Variants in FBXL7 observed in about 807,000 individuals in gnomAD.
FBXL7 encodes F-box and leucine rich repeat protein 7.
FBXL7 carries 12 observed loss-of-function variants against 38.3 expected under a neutral mutation model. The ratio of observed to expected loss-of-function variants is 0.31; its 90% confidence interval spans 0.20 to 0.51. The LOEUF is 0.51. Among genes scored for constraint, FBXL7 ranks in the 20% least tolerant of loss-of-function variants. FBXL7 has a pLI of 0.98. For synonymous variants in FBXL7, 297 were observed against 300.9 expected, an observed-to-expected ratio of 0.99 and a Z score of 0.13; for missense variants, 567 against 676.4, an observed-to-expected ratio of 0.84 and a Z score of 1.79.
Position 15,526,335 on chromosome 5 carries a change from G to A in FBXL7, c.37+25622G>A, listed in dbSNP as rs550402899. 1.9e-4 allele frequency among the ~76,000 whole-genome samples: 29 copies of A among 152,248 alleles called. 1 individual carries two copies. In the South Asian group the frequency reaches 6.0e-3, roughly 32 times the overall value. ...AGAGTCCACACAGATTACCTCACTCGCTTCTCAACAGAAACCCTCCTGAGG... is the reference window on the plus strand; with the variant it reads ...AGAGTCCACACAGATTACCTCACTCACTTCTCAACAGAAACCCTCCTGAGG... On this transcript the variant is annotated intron_variant, in intron 1 of 3. Transcript: ENST00000504595.
At chr5:15,531,045 A>G (rs1281733660) in intron 1 of FBXL7, among the ~76,000 whole-genome samples, 1 of 152,216 alleles carries the variant, frequency 6.6e-6, no homozygotes, top group African/African-American at 2.4e-5. Flanking sequence ...TAGAACATAC[A>G]CATTGGAAAA....
intron 2 of FBXL7, among the ~76,000 whole-genome samples, chr5:15,835,563 A>G (rs1047073091): frequency 2.0e-5 from 3 of 152,188 alleles, no homozygotes; most frequent in Non-Finnish European, 4.4e-5. Flanking sequence ...TCAGCTTCAC[A>G]GTATCCTGGA....
At chr5:15,725,585 C>T (rs1009102842) in intron 2 of FBXL7, among the ~76,000 whole-genome samples, 5 of 152,118 alleles carry the variant, frequency 3.3e-5, no homozygotes, top group African/African-American at 1.2e-4. Flanking sequence ...CAAAATGTCC[C>T]ATGTGTACCT....
chr5:15,796,017 C>A (rs1226526068), intron 2 of FBXL7, among the ~76,000 whole-genome samples: 1 of 152,186 alleles, frequency 6.6e-6, no homozygotes, highest in Non-Finnish European at 1.5e-5. Flanking sequence ...GCTATATATT[C>A]TCCCTTGAAT....
intron 2 of FBXL7, among the ~76,000 whole-genome samples, chr5:15,781,707 G>A (rs1038820061): frequency 3.9e-5 from 6 of 152,052 alleles, no homozygotes. Flanking sequence ...ATGTAAATGA[G>A]AAACCAGGAA....
intron 1 of FBXL7, chr5:15,501,585 C>G (rs1288888444): frequency 1.0e-6 from 1 of 985,422 alleles, no homozygotes; most frequent in Non-Finnish European, 1.2e-6. Context: ...AGTTTTACAG[C>G]CCGCCCCCAG....
chr5:15,864,509 T>C (rs1739621272), intron 2 of FBXL7, among the ~76,000 whole-genome samples: 1 of 152,144 alleles, frequency 6.6e-6, no homozygotes, highest in South Asian at 2.1e-4. Flanking sequence ...TCTAGAGTTG[T>C]AGGTGGTTCC....
At position 15,777,229 on chromosome 5, in the gene FBXL7, A is replaced by T. The variant is rs529074115; in HGVS notation, c.128-150661A>T. On this transcript the variant is annotated intron_variant, in intron 2 of 3. Transcript: ENST00000504595. ...GTAGTGGAACTAGGGGCAAACCCCC[A>T]CCTTGGACCTCTAGATCCAGCATTG... 4.6e-5 allele frequency among the ~76,000 whole-genome samples: 7 copies of T among 152,204 alleles called. No homozygotes were observed. In the East Asian group the frequency reaches 1.2e-3, roughly 25 times the overall value.
chr5:15,790,471 G>A (rs978612057), intron 2 of FBXL7, among the ~76,000 whole-genome samples: 1 of 152,112 alleles, frequency 6.6e-6, no homozygotes, highest in Admixed American at 6.6e-5. Context: ...AATTCTTCCT[G>A]CTAAGTAAAT....
At chr5:15,557,007 G>C (rs183904229) in intron 1 of FBXL7, among the ~76,000 whole-genome samples, 3 of 152,066 alleles carry the variant, frequency 2.0e-5, no homozygotes, top group Admixed American at 1.3e-4. Context: ...GCGCGATCTC[G>C]GCTCACTGCA....
intron 2 of FBXL7, among the ~76,000 whole-genome samples, chr5:15,833,878 A>T (rs1405089988): frequency 1.3e-5 from 2 of 152,198 alleles, no homozygotes; most frequent in African/African-American, 4.8e-5. Context: ...TACTTTGACA[A>T]AAATAAGCAT....
intron 2 of FBXL7, among the ~76,000 whole-genome samples, chr5:15,667,542 A>C (rs974239963): frequency 1.3e-5 from 2 of 152,158 alleles, no homozygotes; most frequent in African/African-American, 4.8e-5. Context: ...ATTTCATTCA[A>C]ATACCCGCCT....
chr5:15,837,432 A>G (rs74629924), intron 2 of FBXL7, among the ~76,000 whole-genome samples: 7,866 of 152,248 alleles, frequency 0.052, 195 homozygotes, highest in Middle Eastern at 0.065. Context: ...AGAGGAAAAA[A>G]AGCAACCATA....
At chr5:15,550,356 T>C (rs1160862551) in intron 1 of FBXL7, among the ~76,000 whole-genome samples, 1 of 152,078 alleles carries the variant, frequency 6.6e-6, no homozygotes, top group Non-Finnish European at 1.5e-5. Context: ...GTAGCTGAGA[T>C]GGTGTGATTG....
intron 2 of FBXL7, among the ~76,000 whole-genome samples, chr5:15,837,685 T>C (rs1443397698): frequency 6.6e-6 from 1 of 152,140 alleles, no homozygotes; most frequent in Non-Finnish European, 1.5e-5. Flanking sequence ...GTATGTTTAG[T>C]GTTAAGATAT....
At chr5:15,655,377 G>T (rs1256543374) in intron 2 of FBXL7, among the ~76,000 whole-genome samples, 3 of 151,700 alleles carry the variant, frequency 2.0e-5, no homozygotes, top group Non-Finnish European at 4.4e-5. Context: ...ACACTTGTAG[G>T]CAGCTACTTG....
chr5:15,696,619 A>T (rs1743346887), intron 2 of FBXL7, among the ~76,000 whole-genome samples: 1 of 152,104 alleles, frequency 6.6e-6, no homozygotes, highest in African/African-American at 2.4e-5. Context: ...TTTCCTCACT[A>T]TTGGAGGTTT....
intron 2 of FBXL7, among the ~76,000 whole-genome samples, chr5:15,635,006 G>A (rs902673283): frequency 6.6e-6 from 1 of 150,992 alleles, no homozygotes; most frequent in African/African-American, 2.4e-5. Flanking sequence ...ATATTCATAG[G>A]TTCATGAGAT....
At chr5:15,558,000 G>A (rs1738301425) in intron 1 of FBXL7, among the ~76,000 whole-genome samples, 1 of 152,196 alleles carries the variant, frequency 6.6e-6, no homozygotes, top group Admixed American at 6.5e-5. Flanking sequence ...CTAAGTGGAG[G>A]GGGAGAAGGA....
Sources: allele counts gnomAD v4.1 joint callset (sites outside exome capture counted in the v4.1 genomes callset), GRCh38; gene constraint gnomAD v4.1.1; transcripts MANE v1.5; gene names NCBI Gene and HGNC (gene_info 2026-07-23, HGNC 2026-07-21).